ULK4: variants seen among roughly 807,000 people sequenced by gnomAD.
ULK4 encodes the protein unc-51 like kinase 4, also known as inactive serine/threonine-protein kinase ULK4.
Under a neutral mutation model 160.6 loss-of-function variants are expected in ULK4, and 133 were observed. The ratio of observed to expected loss-of-function variants is 0.83; its 90% CI spans 0.72 to 0.96. The LOEUF (loss-of-function observed/expected upper bound fraction) is 0.96. Among genes scored for constraint, ULK4 ranks in the 40% least tolerant of loss-of-function variants. The pLI is 0.00. For missense variants in ULK4, 1,580 were observed against 1,499.5 expected, an observed-to-expected ratio of 1.05 and a Z score of -0.89; for synonymous variants, 534 against 539.8, an observed-to-expected ratio of 0.99 and a Z score of 0.15.
At chr3:41,802,545 T>G (rs915573471) in intron 19 of ULK4, among the ~76,000 whole-genome samples, 1 of 152,168 alleles carries the variant, frequency 6.6e-6, no homozygotes, top group Admixed American at 6.6e-5. Flanking sequence ...GGAATCCTCC[T>G]GCCTTGGCCT....
intron 18 of ULK4, among the ~76,000 whole-genome samples, chr3:41,827,480 C>A (rs2041404084): frequency 6.6e-6 from 1 of 152,006 alleles, no homozygotes; most frequent in Non-Finnish European, 1.5e-5. Context: ...ACCACCGATC[C>A]CACAGAAATA....
rs80039597 is a variant in ULK4, at chr3:41,623,855, G to C, written c.3072-8138C>G. 8.2e-4 allele frequency among the ~76,000 whole-genome samples: 125 copies of C among 152,280 alleles called. 1 individual carries two copies. The highest frequency in any genetic ancestry group is 2.5e-3 in the South Asian group (12 of 4,816). On this transcript the variant is annotated intron_variant, in intron 30 of 36. Transcript: ENST00000301831. Reference sequence around the variant, plus strand: ...CCACCACAAAGAAATGATAGCACGTGAAGTGATGGACATGTTAATTAGTCT... The same window carrying C: ...CCACCACAAAGAAATGATAGCACGTCAAGTGATGGACATGTTAATTAGTCT...
chr3:41,268,813 C>CAAAAAA (rs1176923529), intron 35 of ULK4, among the ~76,000 whole-genome samples: 2 of 29,026 alleles, frequency 6.9e-5, no homozygotes, highest in Non-Finnish European at 6.7e-5. Flanking sequence ...CACACACACA[C>CAAAAAA]AAAAAAAAAA....
intron 30 of ULK4, among the ~76,000 whole-genome samples, chr3:41,651,099 C>T (rs2034722690): frequency 6.6e-6 from 1 of 152,146 alleles, no homozygotes; most frequent in Admixed American, 6.6e-5. Flanking sequence ...CCACACAGCA[C>T]TGAAAATTAT....
At position 41,564,368 on chromosome 3, in the gene ULK4, G is replaced by A. The variant is rs116026848; in HGVS notation, c.3226+1657C>T. ...ACCCACTTGAGGAGGTAGTCCGTCC[G>A]TTCTGAGAGCTCAAACGCCATGCTG... On this transcript the variant is annotated intron_variant, in intron 32 of 36. Transcript: ENST00000301831. Among the ~76,000 whole-genome samples, 472 of 151,428 alleles carry A rather than the reference G, an allele frequency of 3.1e-3. 4 individuals are homozygous for A. Among genetic ancestry groups the A allele is most frequent in the African/African-American group, 9.9e-3 (408 of 41,222 alleles).
chr3:41,558,718 A>AG (rs1011721609), intron 32 of ULK4, among the ~76,000 whole-genome samples: 2 of 151,452 alleles, frequency 1.3e-5, no homozygotes, highest in African/African-American at 2.4e-5. Context: ...AAAAAAGAAA[A>AG]GAAAAAAAAG....
chr3:41,257,548 G>A lies in ULK4; in HGVS notation c.3679-7974C>T, dbSNP rs116130725. ...CTTGGGAGGCTGAAATGGAAGTATCGCTTGAGCCTGGGAGGTCAAGGCTTC... is the reference window on the plus strand; with the variant it reads ...CTTGGGAGGCTGAAATGGAAGTATCACTTGAGCCTGGGAGGTCAAGGCTTC... On this transcript the variant is annotated intron_variant, in intron 35 of 36. Transcript: ENST00000301831. Among the ~76,000 whole-genome samples, 563 of 151,560 alleles carry A rather than the reference G, an allele frequency of 3.7e-3. 1 individual carries two copies. Among genetic ancestry groups the A allele is most frequent in the African/African-American group, 0.013 (525 of 41,282 alleles).
intron 22 of ULK4, among the ~76,000 whole-genome samples, chr3:41,720,957 G>C (rs1242057090): frequency 6.6e-6 from 1 of 151,818 alleles, no homozygotes; most frequent in Non-Finnish European, 1.5e-5. Context: ...AATTGGGGTA[G>C]GAAGTATTTA....
intron 31 of ULK4, among the ~76,000 whole-genome samples, chr3:41,594,609 T>C (rs2031564666): frequency 6.6e-6 from 1 of 152,116 alleles, no homozygotes; most frequent in African/African-American, 2.4e-5. Flanking sequence ...GTGAATGGTA[T>C]GAGATGGGGT....
chr3:41,806,116 G>A (rs1209739008), intron 19 of ULK4, among the ~76,000 whole-genome samples: 1 of 145,800 alleles, frequency 6.9e-6, no homozygotes, highest in Non-Finnish European at 1.5e-5. Flanking sequence ...TCTGGTCCTG[G>A]ACTCTTTTTC....
intron 5 of ULK4, among the ~76,000 whole-genome samples, chr3:41,929,730 C>T (rs923060420): frequency 5.3e-5 from 8 of 152,134 alleles, no homozygotes; most frequent in Non-Finnish European, 8.8e-5. Flanking sequence ...AGTGAACTCC[C>T]ATTCACAACT....
chr3:41,706,811 G>C (rs1254381570), intron 25 of ULK4, among the ~76,000 whole-genome samples: 2 of 138,666 alleles, frequency 1.4e-5, no homozygotes, highest in South Asian at 4.7e-4. Context: ...CTGGCCGACA[G>C]AGCGAGACTC....
chr3:41,485,497 T>G (rs2084494001), intron 32 of ULK4, among the ~76,000 whole-genome samples: 1 of 152,226 alleles, frequency 6.6e-6, no homozygotes, highest in Non-Finnish European at 1.5e-5. Context: ...AAAATAAATC[T>G]GCTTTGCTAA....
chr3:41,246,965 G>A lies in ULK4; in HGVS notation c.3792C>T (p.Pro1264=), dbSNP rs2078655036. ...SGSFADSAVA[P]LALEILQAVG... is the part of the protein sequence containing the mutation. ...CGGCTTGGAGGATTTCCAGGGCCAA[G>A]GGAGCCACCGCACTGTCGGCAAATG... The change falls in exon 37 of 37, where the codon CCC becomes CCT. Residue 1264 remains proline (P), a synonymous_variant. Coordinates refer to ENST00000301831, the MANE Select transcript of ULK4 (RefSeq NM_017886.4). 2 of 1,613,800 alleles carry A rather than the reference G, an allele frequency of 1.2e-6. No individual in the cohort carries two copies. Among genetic ancestry groups the A allele is most frequent in the African/African-American group, 1.3e-5 (1 of 74,952 alleles).
At chr3:41,823,230 G>A (rs78173554) in intron 18 of ULK4, among the ~76,000 whole-genome samples, 43 of 152,244 alleles carry the variant, frequency 2.8e-4, no homozygotes, top group African/African-American at 1.0e-3. Context: ...TTAGAAGCAG[G>A]AGAAACAGCA....
Position 41,457,735 on chromosome 3 carries a change from T to C in ULK4, c.3394-2140A>G, listed in dbSNP as rs548104712. Among the ~76,000 whole-genome samples, 7 of 152,294 alleles carry C rather than the reference T, an allele frequency of 4.6e-5. No individual in the cohort carries two copies. In the South Asian group the frequency reaches 1.5e-3, roughly 32 times the overall value. On this transcript the variant is annotated intron_variant, in intron 33 of 36. Transcript: ENST00000301831. ...GTGTGCATCTTGTACAGGGCCCGTGTCCCTGTCACAACATCATGACTGTCT... is the reference window on the plus strand; with the variant it reads ...GTGTGCATCTTGTACAGGGCCCGTGCCCCTGTCACAACATCATGACTGTCT...
intron 12 of ULK4, among the ~76,000 whole-genome samples, chr3:41,904,731 C>G (rs1698493539): frequency 1.3e-5 from 2 of 152,044 alleles, no homozygotes; most frequent in Non-Finnish European, 2.9e-5. Context: ...TACATCAAAA[C>G]TACAGTAAAA....
intron 34 of ULK4, among the ~76,000 whole-genome samples, chr3:41,409,553 T>G (rs1228876844): frequency 6.6e-6 from 1 of 152,202 alleles, no homozygotes; most frequent in Non-Finnish European, 1.5e-5. Context: ...ATAATCCAAT[T>G]TTTTAATGAG....
chr3:41,289,108 T>TG (rs1413194110), intron 35 of ULK4, among the ~76,000 whole-genome samples: 1 of 152,234 alleles, frequency 6.6e-6, no homozygotes, highest in Non-Finnish European at 1.5e-5. Context: ...CTATTAGAGC[T>TG]GTGCCTCCCA....
Sources: gnomAD v4.1 joint callset for allele counts (sites outside exome capture counted in the v4.1 genomes callset) on GRCh38, gnomAD v4.1.1 for gene constraint, MANE v1.5 for transcripts, NCBI Gene and HGNC (gene_info 2026-07-23, HGNC 2026-07-21) for gene names.